Variants in TRPM3 observed in about 807,000 individuals in gnomAD.
The protein encoded by TRPM3 is transient receptor potential cation channel subfamily M member 3, also known as long transient receptor potential channel 3.
In TRPM3, 77 loss-of-function variants were observed where a neutral mutation model predicts 181.2. The ratio of observed to expected loss-of-function variants is 0.42; its 90% confidence interval spans 0.35 to 0.51. The LOEUF (loss-of-function observed/expected upper bound fraction) is 0.51, where lower values mean the gene tolerates loss of function less well. Ranked by LOEUF, TRPM3 falls within the 20% of genes least tolerant of loss-of-function variation. The pLI is 0.01. For missense variants in TRPM3, 1,759 were observed against 2,196.7 expected, an observed-to-expected ratio of 0.80 and a Z score of 3.98; for synonymous variants, 745 against 796.4, an observed-to-expected ratio of 0.94 and a Z score of 1.09.
chr9:71,437,863 GGA>G (rs2094068570), intron 1 of TRPM3, among the ~76,000 whole-genome samples: 1 of 45,030 alleles, frequency 2.2e-5, no homozygotes, highest in Admixed American at 2.3e-4. Flanking sequence ...GCGAAACTCC[GGA>G]AAAAAAAAAA....
chr9:70,537,005 T>C lies in TRPM3; in HGVS notation c.4108A>G (p.Lys1370Glu), dbSNP rs1221881850. Residue 1370 changes from lysine to glutamate, a missense_variant, in exon 26 of 26, where the codon AAA (lysine) becomes GAA (glutamate). Around this residue, in one of 8 missense-constraint regions of TRPM3, gnomAD observed 612 missense variants for 590.0 expected, o/e 1.04. Coordinates refer to ENST00000677713, the MANE Select transcript of TRPM3 (RefSeq NM_001366145.2). ...CGGTGTAGGCTCAGGGACCTTTCTT[T>C]AAAAATACTTTCCAACTTTTCTATA... Reference protein sequence around the residue: ...GGIEKLESIFKERSLSLHRAT... With the variant: ...GGIEKLESIFEERSLSLHRAT... 3 of 1,609,788 alleles carry C rather than the reference T, an allele frequency of 1.9e-6. No individual in the cohort carries two copies. Among genetic ancestry groups the C allele is most frequent in the Non-Finnish European group, 2.5e-6 (3 of 1,176,638 alleles).
intron 3 of TRPM3, among the ~76,000 whole-genome samples, chr9:70,847,916 A>G (rs139500983): frequency 1.1e-3 from 172 of 152,352 alleles, no homozygotes; most frequent in African/African-American, 4.0e-3. Context: ...TCTGTGGAAG[A>G]ATGTGTCATC....
chr9:71,387,627 C>T (rs1418397054), intron 1 of TRPM3, among the ~76,000 whole-genome samples: 1 of 152,086 alleles, frequency 6.6e-6, no homozygotes, highest in East Asian at 1.9e-4. Flanking sequence ...GAAACAGCAA[C>T]ATTATTTTAT....
Position 70,620,305 on chromosome 9 carries a change from T to C in TRPM3, c.1900A>G (p.Ile634Val), listed in dbSNP as rs759923950. The C allele has an allele frequency of 3.1e-6, 5 of 1,614,184 alleles. No individual in the cohort carries two copies. Among genetic ancestry groups the C allele is most frequent in the East Asian group, 2.2e-5 (1 of 44,884 alleles). ...TTGATCTCAGGATCATCCAAGTCAA[T>C]GTCCACCTCTTCTTCACGTTTCTTG... ...TTKKREEEVD[I>V]DLDDPEINHF... Residue 634 changes from isoleucine to valine, a missense_variant, in exon 16 of 26, where the codon ATT becomes GTT. Coordinates refer to ENST00000677713, the MANE Select transcript of TRPM3 (RefSeq NM_001366145.2).
chr9:70,904,284 C>G (rs1207888721), intron 1 of TRPM3, among the ~76,000 whole-genome samples: 1 of 152,132 alleles, frequency 6.6e-6, no homozygotes, highest in Non-Finnish European at 1.5e-5. Flanking sequence ...ATCCAAAAAG[C>G]AGCCCCAAAT....
At chr9:70,807,463 G>C (rs1056007085) in intron 6 of TRPM3, among the ~76,000 whole-genome samples, 9 of 151,956 alleles carry the variant, frequency 5.9e-5, no homozygotes, top group Admixed American at 3.3e-4. Context: ...TGTCATTATT[G>C]CTTTATGATT....
chr9:71,258,438 C>T (rs2082816174), intron 1 of TRPM3, among the ~76,000 whole-genome samples: 1 of 152,152 alleles, frequency 6.6e-6, no homozygotes, highest in Admixed American at 6.5e-5. Flanking sequence ...GGAGTACAAC[C>T]TATCTATCAT....
chr9:70,611,064 G>A (rs1674543248), intron 18 of TRPM3, among the ~76,000 whole-genome samples: 3 of 152,142 alleles, frequency 2.0e-5, no homozygotes, highest in African/African-American at 7.2e-5. Flanking sequence ...GCCTGGGAAG[G>A]CCAGGCTTCA....
intron 25 of TRPM3, among the ~76,000 whole-genome samples, chr9:70,545,612 T>C (rs1284388580): frequency 7.5e-6 from 1 of 132,878 alleles, no homozygotes; most frequent in Non-Finnish European, 1.5e-5. Context: ...AGTGGTACGA[T>C]CTCTGCTCAC....
chr9:71,143,377 C>A (rs988745858), intron 1 of TRPM3, among the ~76,000 whole-genome samples: 6 of 152,058 alleles, frequency 3.9e-5, no homozygotes, highest in African/African-American at 1.4e-4. Context: ...GGGTGTTGTT[C>A]CTCTCTACGT....
At chr9:71,408,557 AAG>A (rs1440067736) in intron 1 of TRPM3, among the ~76,000 whole-genome samples, 2 of 152,172 alleles carry the variant, frequency 1.3e-5, no homozygotes, top group African/African-American at 4.8e-5. Flanking sequence ...TTAGAGGAAA[AAG>A]AGTAAAAAGA....
chr9:70,588,485 C>A lies in TRPM3; in HGVS notation c.3223+2546G>T, dbSNP rs573326488. Among the ~76,000 whole-genome samples the A allele has an allele frequency of 3.0e-4, 46 of 151,780 alleles. 1 individual carries two copies. The highest frequency in any genetic ancestry group is 9.7e-4 in the African/African-American group (40 of 41,378). On this transcript the variant is annotated intron_variant, in intron 22 of 25. Coordinates refer to ENST00000677713, the MANE Select transcript of TRPM3 (RefSeq NM_001366145.2). ...GAAGTAAAAAAAAAAAAAGAGTTAG[C>A]TATGGAGCACACGCATTCCGTTAGA...
chr9:71,242,605 A>G (rs1177141880), intron 1 of TRPM3, among the ~76,000 whole-genome samples: 1 of 152,164 alleles, frequency 6.6e-6, no homozygotes, highest in African/African-American at 2.4e-5. Context: ...CCTGATATTA[A>G]TATTGATGTT....
At chr9:71,383,689 A>G (rs1486835469) in intron 1 of TRPM3, among the ~76,000 whole-genome samples, 1 of 152,104 alleles carries the variant, frequency 6.6e-6, no homozygotes, top group Non-Finnish European at 1.5e-5. Context: ...TTCCCTGCTT[A>G]TAGTTTTGTA....
intron 18 of TRPM3, among the ~76,000 whole-genome samples, chr9:70,611,031 T>C (rs1589287303): frequency 6.6e-6 from 1 of 152,126 alleles, no homozygotes; most frequent in Non-Finnish European, 1.5e-5. Context: ...ATACCCAGAG[T>C]CCAGAGAGGA....
chr9:71,114,974 GAA>G (rs1002075826), intron 1 of TRPM3, among the ~76,000 whole-genome samples: 2 of 152,012 alleles, frequency 1.3e-5, no homozygotes, highest in Non-Finnish European at 2.9e-5. Flanking sequence ...AAAATAAAAA[GAA>G]ATAGGGAAAA....
chr9:70,580,878 G>A (rs927555480), intron 22 of TRPM3, among the ~76,000 whole-genome samples: 4 of 152,054 alleles, frequency 2.6e-5, no homozygotes, highest in African/African-American at 7.2e-5. Flanking sequence ...TATATATCAC[G>A]CTGATTTGTA....
At chr9:71,055,560 T>C (rs2060570216) in intron 1 of TRPM3, among the ~76,000 whole-genome samples, 1 of 152,042 alleles carries the variant, frequency 6.6e-6, no homozygotes, top group Non-Finnish European at 1.5e-5. Flanking sequence ...TATATTCAAT[T>C]GGAACATTTT....
At chr9:70,917,209 C>G in intron 1 of TRPM3, 8 of 1,598,814 alleles carry the variant, frequency 5.0e-6, no homozygotes, top group Non-Finnish European at 6.9e-6. Flanking sequence ...TATTGAAGTC[C>G]TGGATTGCAA....
Sources: gnomAD v4.1 joint callset for allele counts (sites outside exome capture counted in the v4.1 genomes callset) on GRCh38, gnomAD v4.1.1 for gene constraint, gnomAD v4.1.1 regional missense constraint, MANE v1.5 for transcripts, NCBI Gene and HGNC (gene_info 2026-07-23, HGNC 2026-07-21) for gene names.